PPFIA4: variants seen among roughly 807,000 people sequenced by gnomAD.
PPFIA4 encodes the protein PPFI scaffold protein A4.
Under a neutral mutation model 145.7 loss-of-function variants are expected in PPFIA4, and 98 were observed. The observed-to-expected ratio is 0.67, with a 90% CI of 0.57 to 0.80. The LOEUF (loss-of-function observed/expected upper bound fraction) is 0.80. Ranked by LOEUF, PPFIA4 falls within the 30% of genes least tolerant of loss-of-function variation. PPFIA4 has a pLI of 0.00. For synonymous variants in PPFIA4, 628 were observed against 649.6 expected (o/e 0.97, Z 0.51); for missense variants, 1,457 against 1,632.7 (o/e 0.89, Z 1.85).
At chr1:203,061,103 A>T (rs1258528428) in intron 23 of PPFIA4, 71 bp downstream of exon 23, 3 of 1,458,010 alleles carry the variant, frequency 2.1e-6, no homozygotes, top group East Asian at 4.5e-5. Flanking sequence ...GATGAGGGGA[A>T]GGCTGTGGGC....
chr1:203,051,993 C>A, intron 14 of PPFIA4, 116 bp downstream of exon 14: 3 of 1,041,468 alleles, frequency 2.9e-6, no homozygotes, highest in Non-Finnish European at 4.1e-6. Flanking sequence ...CCTCCCGTGT[C>A]AATGACAGCT....
intron 20 of PPFIA4, among the ~76,000 whole-genome samples, 179 bp downstream of exon 20, chr1:203,059,450 C>T (rs1014417279): frequency 1.3e-5 from 2 of 152,114 alleles, no homozygotes; most frequent in Non-Finnish European, 2.9e-5. Context: ...TAGGATGAGC[C>T]TAGGGAGAAG....
In PPFIA4 at chr1:203,069,847, C is replaced by T. The variant is rs929289156; in HGVS notation, c.3324+1219C>T. 2.7e-5 allele frequency among the ~76,000 whole-genome samples: 4 copies of T among 147,652 alleles called. No individual in the cohort carries two copies. In the Admixed American group the frequency reaches 2.8e-4, roughly 10 times the overall value. ...GGAGCCTGGATTTTTCCCCCAAGTG[C>T]GTTCTCTCCACTTGCCCACTTCGGG... On this transcript the variant is annotated intron_variant, in intron 27 of 29. Coordinates refer to ENST00000295706, the MANE Select transcript of PPFIA4 (RefSeq NM_001304331.2).
At position 203,055,713 on chromosome 1, in the gene PPFIA4, C is replaced by T. The variant is rs1419229073; in HGVS notation, c.2070+41C>T. The T allele has an allele frequency of 1.2e-6, 2 of 1,607,730 alleles. No individual in the cohort carries two copies. The highest frequency in any genetic ancestry group is 2.7e-5 in the African/African-American group (2 of 74,792). On this transcript the variant is annotated intron_variant, in intron 16 of 29. Coordinates refer to ENST00000295706, the MANE Select transcript of PPFIA4 (RefSeq NM_001304331.2). This position sits in a 1 kb window ranked among gnomAD's most constrained non-coding sequence, Gnocchi z 4.8. ...GGAGCAGGCCTGGCATCACTGGACC[C>T]TGCACCGGGGGAGGTTTTAAGGGAT...
chr1:203,038,392 G>A (rs772531287), intron 1 of PPFIA4, among the ~76,000 whole-genome samples: 4 of 152,214 alleles, frequency 2.6e-5, no homozygotes, highest in Non-Finnish European at 5.9e-5. Flanking sequence ...ACAGCTGTGG[G>A]GAGCAGGGGG....
intron 1 of PPFIA4, among the ~76,000 whole-genome samples, chr1:203,029,853 T>C (rs1658690770): frequency 6.6e-6 from 1 of 152,258 alleles, no homozygotes; most frequent in Non-Finnish European, 1.5e-5. Context: ...TATATATGTA[T>C]TCTATATTAT....
rs1659676221 is a variant in PPFIA4, at chr1:203,041,253, T to C, written c.234+2011T>C. Among the ~76,000 whole-genome samples, 3 of 152,202 alleles carry C rather than the reference T, an allele frequency of 2.0e-5. No homozygotes were observed. The South Asian group carries it at 6.2e-4, about 32-fold the overall frequency. On this transcript the variant is annotated intron_variant, in intron 2 of 29. Coordinates refer to ENST00000295706, the MANE Select transcript of PPFIA4 (RefSeq NM_001304331.2). ...TCCAGGTTGACTGGGTCTTAGGTGA[T>C]ATGGAAATGACATGAGAGAGAAGTT...
chr1:203,078,082 C>A lies in PPFIA4; in HGVS notation c.*1692C>A, dbSNP rs1306669667. The A allele has an allele frequency of 6.6e-6, 1 of 152,222 alleles. No homozygotes were observed. The highest frequency in any genetic ancestry group is 1.5e-5 in the Non-Finnish European group (1 of 68,070). 9.4% of individuals were successfully genotyped at this position (152,222 alleles called of 1,614,324 possible). A position where few individuals can be genotyped will look rare whatever the true frequency, so the allele number is the denominator to read the frequency against. On this transcript the variant is annotated 3_prime_UTR_variant, in exon 30 of 30. Coordinates refer to ENST00000295706, the MANE Select transcript of PPFIA4 (RefSeq NM_001304331.2). ...TGCTCCTTTTCGGTAGAGGAGAGGCCCATCACTGGTGTGGTGGGGTGGGCT... is the reference window on the plus strand; with the variant it reads ...TGCTCCTTTTCGGTAGAGGAGAGGCACATCACTGGTGTGGTGGGGTGGGCT...
chr1:203,054,199 G>A, intron 15 of PPFIA4: 1 of 683,926 alleles, frequency 1.5e-6, no homozygotes, highest in Non-Finnish European at 2.7e-6. Context: ...GCTGGGCTCA[G>A]GAGGATGCAT....
chr1:203,045,283 G>T, intron 6 of PPFIA4, 85 bp from the exon 7 acceptor site: 2 of 1,247,648 alleles, frequency 1.6e-6, no homozygotes, highest in South Asian at 3.1e-5. Flanking sequence ...TGGGTGTGCT[G>T]TTCCTCCTTC....
rs769869925 is a variant in PPFIA4 at position 203,060,296 on chromosome 1, C to G, written c.2663C>G (p.Ser888Trp). ...VKSGAIMSAL[S>W]DTEIQREIGI... ...AGTGGTGCCATCATGTCCGCTCTGTCGGACACAGAGATCCAGCGGGAGATC... is the reference window on the plus strand; with the variant it reads ...AGTGGTGCCATCATGTCCGCTCTGTGGGACACAGAGATCCAGCGGGAGATC... Residue 888 changes from serine (S) to tryptophan (W), a missense_variant, in exon 22 of 30, where the codon TCG (serine) becomes TGG (tryptophan). Around this residue, in one of 3 missense-constraint regions of PPFIA4, gnomAD observed 848 missense variants for 1,046.7 expected, o/e 0.81. Transcript: ENST00000295706. The surrounding 1 kb of genome is among the most constrained non-coding windows in gnomAD (Gnocchi z 4.8). 1 of 1,614,088 alleles carries G rather than the reference C, an allele frequency of 6.2e-7. No individual in the cohort carries two copies. The highest frequency in any genetic ancestry group is 1.7e-5 in the Admixed American group (1 of 60,034).
chr1:203,053,626 C>G, intron 14 of PPFIA4, 127 bp from the exon 15 acceptor site: 1 of 759,514 alleles, frequency 1.3e-6, no homozygotes, highest in Non-Finnish European at 2.2e-6. Flanking sequence ...GTGGTGCGGC[C>G]TGAGATTCTG....
At position 203,068,841 on chromosome 1, in the gene PPFIA4, C is replaced by A. The variant is rs190615770; in HGVS notation, c.3324+213C>A. On this transcript the variant is annotated intron_variant, in intron 27 of 29. Coordinates refer to ENST00000295706, the MANE Select transcript of PPFIA4 (RefSeq NM_001304331.2). This position sits in a 1 kb window ranked among gnomAD's most constrained non-coding sequence, Gnocchi z 4.7. ...GAACACATGGCCTTCACATACAGAG[C>A]ACACCTAGCGTGGGCCTGGCACACA... 2.0e-5 allele frequency among the ~76,000 whole-genome samples: 3 copies of A among 152,274 alleles called. No individual in the cohort carries two copies. In the East Asian group the frequency reaches 5.8e-4, roughly 29 times the overall value.
Position 203,056,365 on chromosome 1 carries a change from G to C in PPFIA4, c.2107-10G>C. 6.2e-7 allele frequency: 1 copy of C among 1,613,442 alleles called. No homozygotes were observed. ...CCCTCTATCCCCTGACGGCTCCACTGTCTGTTCAGTCGCCAGTGTCTCGGG... is the reference window on the plus strand; with the variant it reads ...CCCTCTATCCCCTGACGGCTCCACTCTCTGTTCAGTCGCCAGTGTCTCGGG... On this transcript the variant is annotated splice_polypyrimidine_tract_variant and intron_variant, in intron 17 of 29. Coordinates refer to ENST00000295706, the MANE Select transcript of PPFIA4 (RefSeq NM_001304331.2).
At chr1:203,031,719 T>A (rs1658845781) in intron 1 of PPFIA4, among the ~76,000 whole-genome samples, 3 of 152,228 alleles carry the variant, frequency 2.0e-5, no homozygotes, top group Non-Finnish European at 2.9e-5. Context: ...GGATCCCTAG[T>A]TTTGAAATAT....
At chr1:203,059,463 G>A (rs1234052418) in intron 20 of PPFIA4, among the ~76,000 whole-genome samples, 192 bp downstream of exon 20, 1 of 152,334 alleles carries the variant, frequency 6.6e-6, no homozygotes, top group East Asian at 1.9e-4. Context: ...GGGAGAAGGA[G>A]GCAAGGGGGT....
At chr1:203,071,643 T>A (rs1662177068) in intron 27 of PPFIA4, 49 bp from the exon 28 acceptor site, 1 of 1,421,712 alleles carries the variant, frequency 7.0e-7, no homozygotes, top group Non-Finnish European at 9.8e-7. Flanking sequence ...ATAAAGGTAG[T>A]TAACTATAGC....
intron 20 of PPFIA4, among the ~76,000 whole-genome samples, chr1:203,059,531 G>A (rs576004035): frequency 5.3e-5 from 8 of 152,186 alleles, no homozygotes; most frequent in Non-Finnish European, 1.2e-4. Flanking sequence ...AAATCTCTAA[G>A]TCAATGTCAG....
Position 203,043,887 on chromosome 1 carries a change from T to G in PPFIA4, c.337-44T>G. 6.5e-7 allele frequency: 1 copy of G among 1,543,004 alleles called. No individual in the cohort carries two copies. ...CCCTGCTTGTAGCCCCTGGGGCACA[T>G]GCTTACAGCCCTCCCTCTCACCCTC... On this transcript the variant is annotated intron_variant, in intron 3 of 29. Transcript: ENST00000295706. This position sits in a 1 kb window ranked among gnomAD's most constrained non-coding sequence, Gnocchi z 4.4.
Sources: allele counts gnomAD v4.1 joint callset (sites outside exome capture counted in the v4.1 genomes callset), GRCh38; gene constraint gnomAD v4.1.1; regional missense constraint gnomAD v4.1.1; non-coding constraint Gnocchi (gnomAD v3.1); transcripts MANE v1.5; gene names NCBI Gene and HGNC (gene_info 2026-07-23, HGNC 2026-07-21).